The following IL1RAPL2 variants were observed in gnomAD, a reference collection of about 807,000 sequenced individuals.
The protein encoded by IL1RAPL2 is X-linked interleukin-1 receptor accessory protein-like 2.
Under a neutral mutation model 44.1 loss-of-function variants are expected in IL1RAPL2, and 3 were observed. The observed-to-expected ratio is 0.07, with a 90% CI of 0.03 to 0.18. The LOEUF (loss-of-function observed/expected upper bound fraction) is 0.18, where lower values mean the gene tolerates loss of function less well. Among genes scored for constraint, IL1RAPL2 ranks in the 10% least tolerant of loss-of-function variants. IL1RAPL2 has a pLI of 1.00. For synonymous variants in IL1RAPL2, 181 were observed against 178.8 expected (o/e 1.01, Z -0.10); for missense variants, 391 against 496.4 (o/e 0.79, Z 2.02).
chrX:104,864,630 C>T (rs1020103811), intron 2 of IL1RAPL2, among the ~76,000 whole-genome samples: 1 of 111,531 alleles, frequency 9.0e-6, no homozygotes, highest in East Asian at 2.8e-4. Context: ...AGTTGGTGGA[C>T]TGGGAGAGGC....
At chrX:104,807,960 T>C (rs944587648) in intron 2 of IL1RAPL2, among the ~76,000 whole-genome samples, 1 of 112,112 alleles carries the variant, frequency 8.9e-6, no homozygotes, top group Non-Finnish European at 1.9e-5. Context: ...TTTGGACCAA[T>C]GTTGGCCGAT....
At chrX:104,855,680 C>CTTTTTTTTTTTTTTTTTTTTT (rs1304044009) in intron 2 of IL1RAPL2, among the ~76,000 whole-genome samples, 4 of 53,776 alleles carry the variant, frequency 7.4e-5, no homozygotes, top group African/African-American at 2.5e-4. Context: ...GATCTGGATC[C>CTTTTTTTTTTTTTTTTTTTTT]GTTTTTTTTT....
chrX:105,000,936 G>A (rs2030840346), intron 2 of IL1RAPL2, among the ~76,000 whole-genome samples: 1 of 111,215 alleles, frequency 9.0e-6, no homozygotes, highest in African/African-American at 3.3e-5. Context: ...TTAACCCCTA[G>A]CATTGTCCAA....
intron 7 of IL1RAPL2, among the ~76,000 whole-genome samples, chrX:105,729,824 GA>G (rs1420781002): frequency 1.0e-5 from 1 of 95,478 alleles, no homozygotes; most frequent in Non-Finnish European, 2.1e-5. Flanking sequence ...ACAGAAAACA[GA>G]AAACCACCAA....
intron 6 of IL1RAPL2, among the ~76,000 whole-genome samples, chrX:105,615,693 T>G (rs1249624169): frequency 8.9e-6 from 1 of 111,766 alleles, no homozygotes; most frequent in East Asian, 2.8e-4. Context: ...AGAAACGTAG[T>G]GAGGGGTTGG....
intron 2 of IL1RAPL2, among the ~76,000 whole-genome samples, chrX:104,685,852 C>T (rs1430610870): frequency 9.1e-6 from 1 of 109,500 alleles, no homozygotes; most frequent in Admixed American, 9.9e-5. Flanking sequence ...GGCGGGAACT[C>T]GAGAGGTGGA....
chrX:105,600,574 T>A (rs973128332), intron 6 of IL1RAPL2, among the ~76,000 whole-genome samples: 1 of 108,784 alleles, frequency 9.2e-6, no homozygotes, highest in Non-Finnish European at 1.9e-5. Flanking sequence ...TAATCATTTT[T>A]ATAAATAAAT....
intron 5 of IL1RAPL2, among the ~76,000 whole-genome samples, chrX:105,416,812 T>C (rs973896559): frequency 8.9e-6 from 1 of 111,883 alleles, no homozygotes; most frequent in Non-Finnish European, 1.9e-5. Flanking sequence ...ACTTGCGGGG[T>C]TAACAGCAGC....
intron 2 of IL1RAPL2, among the ~76,000 whole-genome samples, chrX:104,977,474 C>T (rs891999624): frequency 8.9e-6 from 1 of 111,860 alleles, no homozygotes; most frequent in Non-Finnish European, 1.9e-5. Context: ...CCATCTCTTG[C>T]CAATTGCTGC....
Position 104,867,236 on chromosome X carries a change from CAAAA to C in IL1RAPL2, c.82+208262_82+208265del, listed in dbSNP as rs35810207. 2.1e-4 allele frequency among the ~76,000 whole-genome samples: 9 copies of C among 43,770 alleles called. 1 individual carries two copies. The East Asian group carries it at 3.4e-3, about 17-fold the overall frequency. The allele number at this position is 43,770 out of a possible 115,157, so 38.0% of individuals were successfully genotyped here. A position where few individuals can be genotyped will look rare whatever the true frequency, so the allele number is the denominator to read the frequency against. On this transcript the variant is annotated intron_variant, in intron 2 of 10. Transcript: ENST00000372582. ...TGGGCAAAAGAGCAAGTCTCTGTCT[CAAAA>C]AAAAAAAAAAAAAAAAAAAATTGTA...
chrX:105,428,053 G>A (rs1193375576), intron 5 of IL1RAPL2, among the ~76,000 whole-genome samples: 2 of 111,377 alleles, frequency 1.8e-5, no homozygotes, highest in African/African-American at 6.5e-5. Flanking sequence ...TGTTACAAAA[G>A]AAAGTAAAAT....
intron 6 of IL1RAPL2, among the ~76,000 whole-genome samples, chrX:105,646,887 T>C (rs1169373720): frequency 8.9e-6 from 1 of 112,076 alleles, no homozygotes; most frequent in African/African-American, 3.2e-5. Flanking sequence ...GGAGATGCAG[T>C]GTTACCAGCC....
At chrX:104,967,984 C>A (rs1359931976) in intron 2 of IL1RAPL2, among the ~76,000 whole-genome samples, 4 of 111,333 alleles carry the variant, frequency 3.6e-5, no homozygotes, top group Admixed American at 1.9e-4. Context: ...AGGAACAGAT[C>A]ATTTCAAGTT....
chrX:105,203,514 A>G (rs1447251390), intron 3 of IL1RAPL2, among the ~76,000 whole-genome samples: 1 of 52,266 alleles, frequency 1.9e-5, no homozygotes, highest in Non-Finnish European at 3.5e-5. Flanking sequence ...TCTCAATAAA[A>G]CTATTTATAA....
rs946354300 is a variant in IL1RAPL2, at chrX:104,677,565, G to A, written c.82+18570G>A. Among the ~76,000 whole-genome samples the A allele has an allele frequency of 1.3e-4, 15 of 112,416 alleles. No homozygotes were observed. The East Asian group carries it at 2.3e-3, about 17-fold the overall frequency. On this transcript the variant is annotated intron_variant, in intron 2 of 10. Coordinates refer to ENST00000372582, the MANE Select transcript of IL1RAPL2 (RefSeq NM_017416.2). ...CTGTCTTTTTGTTTGTCTGTGCCCT[G>A]CCCCCAGAGGTGGAGCCTACAGAGG...
intron 2 of IL1RAPL2, among the ~76,000 whole-genome samples, chrX:104,896,709 C>G: frequency 9.0e-6 from 1 of 111,681 alleles, no homozygotes; most frequent in Non-Finnish European, 1.9e-5. Context: ...AGCAGCAACC[C>G]ACTTTGGTCA....
chrX:104,577,717 C>T (rs1022044670), intron 1 of IL1RAPL2, among the ~76,000 whole-genome samples: 1 of 111,173 alleles, frequency 9.0e-6, no homozygotes, highest in African/African-American at 3.3e-5. Flanking sequence ...GGTGATGATG[C>T]AGCCCAGCAG....
intron 2 of IL1RAPL2, among the ~76,000 whole-genome samples, chrX:105,114,730 T>C (rs1179925487): frequency 8.9e-6 from 1 of 111,871 alleles, no homozygotes; most frequent in African/African-American, 3.3e-5. Flanking sequence ...CATAAGTGAA[T>C]GAATCATACC....
chrX:104,799,623 A>G (rs1157978370), intron 2 of IL1RAPL2, among the ~76,000 whole-genome samples: 1 of 112,048 alleles, frequency 8.9e-6, no homozygotes, highest in Non-Finnish European at 1.9e-5. Context: ...AACAGAACTA[A>G]ATGTTTCCAT....
Sources: allele counts gnomAD v4.1 joint callset (sites outside exome capture counted in the v4.1 genomes callset), GRCh38; gene constraint gnomAD v4.1.1; transcripts MANE v1.5; gene names NCBI Gene and HGNC (gene_info 2026-07-23, HGNC 2026-07-21).